Variants in ZNF827 observed in about 807,000 individuals in gnomAD.
ZNF827 encodes zinc finger protein 827.
Under a neutral mutation model 102.4 loss-of-function variants are expected in ZNF827, and 13 were observed. That is an observed-to-expected ratio of 0.13 (90% confidence interval 0.08 to 0.20). ZNF827 has a LOEUF of 0.20. Among genes scored for constraint, ZNF827 ranks in the 10% least tolerant of loss-of-function variants. The probability of loss-of-function intolerance (pLI) is 1.00; values close to 1 mark genes in which losing one functional copy is unlikely to be tolerated. For synonymous variants in ZNF827, 523 were observed against 536.2 expected (o/e 0.98, Z 0.34); for missense variants, 1,103 against 1,344.4 (o/e 0.82, Z 2.81).
In ZNF827 at chr4:145,870,391, C is replaced by G. The variant is rs767106459; in HGVS notation, c.1835G>C (p.Arg612Pro). The change falls in exon 5 of 15, where the codon CGG (arginine) becomes CCG (proline). Residue 612 changes from arginine to proline, a missense_variant. By Grantham distance (103) the Arg-to-Pro change is moderately radical. This residue lies in a region of ZNF827 where 243 missense variants were observed against 251.6 expected (regional missense o/e 0.97). Transcript: ENST00000508784. ...EGESLSTTLP[R>P]SSYVFSPESE... is the part of the protein sequence containing the mutation. ...TTCCGGGCTGAACACATAGCTGGAC[C>G]GAGGCAAAGTCGTGCTTAGGGACTC... 1.2e-6 allele frequency: 2 copies of G among 1,614,026 alleles called. No homozygotes were observed. Among genetic ancestry groups the G allele is most frequent in the Admixed American group, 3.3e-5 (2 of 59,998 alleles).
intron 1 of ZNF827, among the ~76,000 whole-genome samples, chr4:145,909,249 T>TG (rs1412166481): frequency 1.3e-5 from 2 of 152,214 alleles, no homozygotes; most frequent in African/African-American, 2.4e-5. Flanking sequence ...CTTGATTCCC[T>TG]GCTCATAGTA....
In ZNF827 at chr4:145,764,762, C is replaced by A. The variant is rs570175130; in HGVS notation, c.3230+226G>T. 6.6e-5 allele frequency: 38 copies of A among 579,812 alleles called. No individual in the cohort carries two copies. The South Asian group carries it at 7.7e-4, about 12-fold the overall frequency. 35.9% of individuals were successfully genotyped at this position (579,812 alleles called of 1,614,324 possible). On this transcript the variant is annotated intron_variant, in intron 13 of 14. Coordinates refer to ENST00000508784, the MANE Select transcript of ZNF827 (RefSeq NM_001306215.2). ...GTGTCTTTTTTCTTGCCCTGAATCC[C>A]GGGGTATTTGCAAAATGGATTCTCC...
chr4:145,769,246 G>C (rs1339946842), intron 11 of ZNF827, among the ~76,000 whole-genome samples: 4 of 150,066 alleles, frequency 2.7e-5, no homozygotes, highest in South Asian at 4.1e-4. Flanking sequence ...TTAGACTACA[G>C]ACTTCTCTCT....
intron 5 of ZNF827, among the ~76,000 whole-genome samples, chr4:145,865,385 G>T (rs1160920599): frequency 6.6e-6 from 1 of 152,150 alleles, no homozygotes; most frequent in Non-Finnish European, 1.5e-5. Context: ...TTCTCAGATG[G>T]ATGAAACTTA....
intron 8 of ZNF827, among the ~76,000 whole-genome samples, chr4:145,814,522 G>A (rs1227771468): frequency 1.3e-5 from 2 of 152,010 alleles, no homozygotes; most frequent in African/African-American, 4.8e-5. Context: ...TCTCCAGTTG[G>A]CCACATTGGT....
chr4:145,836,169 T>C (rs1744814753), intron 7 of ZNF827, among the ~76,000 whole-genome samples: 1 of 151,882 alleles, frequency 6.6e-6, no homozygotes, highest in Admixed American at 6.6e-5. Flanking sequence ...TCCTCATCTG[T>C]TACCTATCTC....
At chr4:145,912,137 C>A (rs545350462) in intron 1 of ZNF827, among the ~76,000 whole-genome samples, 1 of 152,202 alleles carries the variant, frequency 6.6e-6, no homozygotes, top group Admixed American at 6.5e-5. Flanking sequence ...TATCAAAGTG[C>A]CATCAAGTAC....
intron 5 of ZNF827, among the ~76,000 whole-genome samples, chr4:145,860,385 C>A (rs1747580675): frequency 6.6e-6 from 1 of 151,976 alleles, no homozygotes; most frequent in Non-Finnish European, 1.5e-5. Context: ...TTTCTGGTAG[C>A]AAAAATAGGG....
At chr4:145,831,125 G>A (rs1422402928) in intron 7 of ZNF827, 1 of 152,144 alleles carries the variant, frequency 6.6e-6, no homozygotes, top group Non-Finnish European at 1.5e-5. Context: ...TTTATTTATT[G>A]TGACGAAAAG....
intron 8 of ZNF827, among the ~76,000 whole-genome samples, chr4:145,815,083 A>G (rs1322154043): frequency 2.0e-5 from 3 of 152,240 alleles, no homozygotes; most frequent in African/African-American, 7.2e-5. Flanking sequence ...CTATTAAGAC[A>G]GAAAAATAGG....
chr4:145,885,390 C>T (rs545922907), intron 4 of ZNF827, among the ~76,000 whole-genome samples: 1 of 152,136 alleles, frequency 6.6e-6, no homozygotes, highest in African/African-American at 2.4e-5. Context: ...ACCATTCCCC[C>T]CTACAGTAAG....
intron 8 of ZNF827, among the ~76,000 whole-genome samples, chr4:145,796,079 A>C (rs1560934089): frequency 6.6e-6 from 1 of 152,242 alleles, no homozygotes; most frequent in South Asian, 2.1e-4. Context: ...TACCCTACTG[A>C]AACGATGCTA....
intron 5 of ZNF827, among the ~76,000 whole-genome samples, chr4:145,860,602 A>G (rs545673246): frequency 6.6e-6 from 1 of 152,346 alleles, no homozygotes; most frequent in South Asian, 2.1e-4. Context: ...TGATACAAGC[A>G]TATGGCAAGC....
chr4:145,849,218 A>T, intron 6 of ZNF827, 104 bp downstream of exon 6: 1 of 1,419,946 alleles, frequency 7.0e-7, no homozygotes, highest in Non-Finnish European at 9.4e-7. Flanking sequence ...ATTTCTGTCT[A>T]AAAAATCCTA....
intron 5 of ZNF827, among the ~76,000 whole-genome samples, chr4:145,866,570 T>G (rs1424160654): frequency 1.3e-5 from 2 of 152,264 alleles, no homozygotes; most frequent in Non-Finnish European, 2.9e-5. Flanking sequence ...TAAACTTGTT[T>G]AAAATTAAGG....
chr4:145,764,551 TG>T (rs1397824257), intron 13 of ZNF827: 1 of 174,702 alleles, frequency 5.7e-6, no homozygotes, highest in Non-Finnish European at 1.2e-5. Context: ...TGTCCAATTT[TG>T]GAGGGTGGGG....
chr4:145,905,690 GT>G (rs904798188), intron 1 of ZNF827, among the ~76,000 whole-genome samples: 1 of 152,136 alleles, frequency 6.6e-6, no homozygotes, highest in Non-Finnish European at 1.5e-5. Context: ...CTAATTTTAT[GT>G]TTCTTTGGCA....
At chr4:145,895,246 G>T (rs540692150) in intron 2 of ZNF827, among the ~76,000 whole-genome samples, 1 of 152,092 alleles carries the variant, frequency 6.6e-6, no homozygotes, top group Non-Finnish European at 1.5e-5. Context: ...TCTTCCCCTC[G>T]CATCTTGCCT....
intron 5 of ZNF827, among the ~76,000 whole-genome samples, chr4:145,869,356 T>A (rs1016030884): frequency 1.3e-5 from 2 of 152,246 alleles, no homozygotes; most frequent in Admixed American, 6.5e-5. Context: ...GTCTCTCTAA[T>A]GCATTTCTTG....
Sources: allele counts gnomAD v4.1 joint callset (sites outside exome capture counted in the v4.1 genomes callset), GRCh38; gene constraint gnomAD v4.1.1; regional missense constraint gnomAD v4.1.1; transcripts MANE v1.5; gene names NCBI Gene and HGNC (gene_info 2026-07-23, HGNC 2026-07-21).